The following KLF13 variants were observed in gnomAD, a reference collection of about 807,000 sequenced individuals.
KLF13 encodes the protein KLF transcription factor 13.
A neutral mutation model predicts 16.7 loss-of-function variants in KLF13; 8 were observed. The observed-to-expected ratio is 0.48, with a 90% CI of 0.28 to 0.87. KLF13 has a LOEUF of 0.87. Among genes scored for constraint, KLF13 ranks in the 40% least tolerant of loss-of-function variants. The pLI, the probability that KLF13 is intolerant of heterozygous loss-of-function variation, is 0.10. For synonymous variants in KLF13, 245 were observed against 208.4 expected (o/e 1.18, Z -1.51); for missense variants, 447 against 452.2 (o/e 0.99, Z 0.10).
intron 1 of KLF13, among the ~76,000 whole-genome samples, chr15:31,383,612 C>G (rs150814952): frequency 6.6e-6 from 1 of 152,206 alleles, no homozygotes; most frequent in Non-Finnish European, 1.5e-5. Context: ...TTAAAAATAT[C>G]AAGATGGGCC....
At chr15:31,425,768 T>G (rs1374377923) in intron 1 of KLF13, among the ~76,000 whole-genome samples, 1 of 152,156 alleles carries the variant, frequency 6.6e-6, no homozygotes, top group Non-Finnish European at 1.5e-5. Context: ...TCCCAGCTAC[T>G]TGGGAGGCTG....
At chr15:31,345,132 G>A (rs553818085) in intron 1 of KLF13, among the ~76,000 whole-genome samples, 1 of 152,376 alleles carries the variant, frequency 6.6e-6, no homozygotes, top group South Asian at 2.1e-4. Context: ...GGCAGGAGGA[G>A]GCAGCTGTGA....
chr15:31,394,674 T>C (rs2039930950), intron 2 of KLF13, among the ~76,000 whole-genome samples: 1 of 152,226 alleles, frequency 6.6e-6, no homozygotes, highest in African/African-American at 2.4e-5. Context: ...ATAATTCACA[T>C]ATATAATTCA....
intron 2 of KLF13, among the ~76,000 whole-genome samples, chr15:31,400,364 G>C (rs1452470492): frequency 6.6e-6 from 1 of 152,232 alleles, no homozygotes; most frequent in Non-Finnish European, 1.5e-5. Context: ...AAGGACAGAA[G>C]GGGACCCCAC....
At chr15:31,402,288 G>A (rs1179408887) in intron 2 of KLF13, among the ~76,000 whole-genome samples, 1 of 152,210 alleles carries the variant, frequency 6.6e-6, no homozygotes, top group Non-Finnish European at 1.5e-5. Flanking sequence ...GGAAGATGAG[G>A]TTTAGATGAG....
exon 1 of KLF13, chr15:31,393,113 G>A (rs1384373569): frequency 6.6e-6 from 1 of 152,298 alleles, no homozygotes; most frequent in African/African-American, 2.4e-5. Flanking sequence ...AACCCACAGC[G>A]GCTTCCCCTC....
At chr15:31,342,096 C>T (rs534511666) in intron 1 of KLF13, among the ~76,000 whole-genome samples, 2 of 152,260 alleles carry the variant, frequency 1.3e-5, no homozygotes, top group Admixed American at 1.3e-4. Context: ...TGAACTGAAA[C>T]CTCAACCTCA....
At chr15:31,406,453 C>T (rs1220587203), downstream of KLF13, among the ~76,000 whole-genome samples, 1 of 152,138 alleles carries the variant, frequency 6.6e-6, no homozygotes, top group East Asian at 1.9e-4. Context: ...GGCAAGATTA[C>T]ACCACTGTGC....
At chr15:31,331,399 C>G (rs190580234) in intron 1 of KLF13, among the ~76,000 whole-genome samples, 1 of 152,214 alleles carries the variant, frequency 6.6e-6, no homozygotes, top group Non-Finnish European at 1.5e-5. Context: ...TTATCTTTAC[C>G]CACTGAAGCA....
chr15:31,338,236 C>T lies in KLF13; in HGVS notation c.577+10447C>T, dbSNP rs1024144692. Among the ~76,000 whole-genome samples, 9 of 152,174 alleles carry T rather than the reference C, an allele frequency of 5.9e-5. No homozygotes were observed. The East Asian group carries it at 1.2e-3, about 20-fold the overall frequency. ...TAGTTGCCCTGGATTATGAGCCAAG[C>T]GTTTGAATTCCTTTGCACATCTAGC... On this transcript the variant is annotated intron_variant, in intron 1 of 1. Coordinates refer to ENST00000307145, the MANE Select transcript of KLF13 (RefSeq NM_015995.4).
intron 1 of KLF13, among the ~76,000 whole-genome samples, chr15:31,367,870 C>T (rs775390997): frequency 4.5e-4 from 69 of 152,330 alleles, no homozygotes; most frequent in Non-Finnish European, 7.8e-4. Context: ...TGCTGTCACA[C>T]ATTACCGCAA....
chr15:31,423,138 CGTATACGTATATATACGTATATATA>C, intron 1 of KLF13, among the ~76,000 whole-genome samples: 1 of 33,516 alleles, frequency 3.0e-5, no homozygotes, highest in South Asian at 1.1e-3. Flanking sequence ...TATACGTATA[CGTATACGTATATATACGTATATATA>C]TGTATATATA....
intron 1 of KLF13, among the ~76,000 whole-genome samples, chr15:31,346,304 C>A (rs541162120): frequency 1.4e-4 from 22 of 152,370 alleles, no homozygotes; most frequent in Admixed American, 1.1e-3. Flanking sequence ...GATTTCCACA[C>A]CGGCCCTTTG....
intron 2 of KLF13, among the ~76,000 whole-genome samples, chr15:31,396,859 T>A (rs367581270): frequency 6.6e-6 from 1 of 152,198 alleles, no homozygotes; most frequent in African/African-American, 2.4e-5. Flanking sequence ...GGGAAAGGGA[T>A]GTTACAGTCT....
intron 1 of KLF13, among the ~76,000 whole-genome samples, chr15:31,412,468 AC>A (rs1341599292): frequency 6.6e-6 from 1 of 152,156 alleles, no homozygotes; most frequent in Non-Finnish European, 1.5e-5. Flanking sequence ...CCAAAAAAAA[AC>A]CACTATGAAA....
At chr15:31,339,688 G>A (rs1199095463) in intron 1 of KLF13, among the ~76,000 whole-genome samples, 4 of 152,324 alleles carry the variant, frequency 2.6e-5, no homozygotes, top group South Asian at 4.1e-4. Flanking sequence ...GCACTCTCCC[G>A]CCAGAGGCCT....
At chr15:31,367,446 C>T (rs1241399126) in intron 1 of KLF13, among the ~76,000 whole-genome samples, 2 of 152,190 alleles carry the variant, frequency 1.3e-5, no homozygotes, top group Non-Finnish European at 2.9e-5. Context: ...AGTGGCTGCA[C>T]CCAACACCCA....
At chr15:31,420,950 C>T (rs2040315273) in intron 1 of KLF13, among the ~76,000 whole-genome samples, 1 of 152,160 alleles carries the variant, frequency 6.6e-6, no homozygotes, top group African/African-American at 2.4e-5. Context: ...GCCTTGGCCT[C>T]CCAAAGTGTT....
intron 1 of KLF13, among the ~76,000 whole-genome samples, chr15:31,359,199 C>T (rs1286924745): frequency 6.6e-6 from 1 of 152,124 alleles, no homozygotes; most frequent in Non-Finnish European, 1.5e-5. Context: ...GGTTGTGACT[C>T]GGGTGTGCGT....
Sources: allele counts gnomAD v4.1 joint callset (sites outside exome capture counted in the v4.1 genomes callset), GRCh38; gene constraint gnomAD v4.1.1; transcripts MANE v1.5; gene names NCBI Gene and HGNC (gene_info 2026-07-23, HGNC 2026-07-21).